The following LMAN2L variants were observed in gnomAD, a reference collection of about 807,000 sequenced individuals.
LMAN2L encodes lectin, mannose binding 2 like.
LMAN2L carries 30 observed loss-of-function variants against 44.3 expected under a neutral mutation model. That is an observed-to-expected ratio of 0.68 (90% CI 0.51 to 0.92). LMAN2L has a LOEUF of 0.92. Ranked by LOEUF, LMAN2L falls within the 40% of genes least tolerant of loss-of-function variation. The pLI, the probability that LMAN2L is intolerant of heterozygous loss-of-function variation, is 0.00. For synonymous variants in LMAN2L, 183 were observed against 171.1 expected (o/e 1.07, Z -0.54); for missense variants, 429 against 446.1 (o/e 0.96, Z 0.35).
At chr2:96,732,134 T>TG (rs2078411743) in intron 4 of LMAN2L, among the ~76,000 whole-genome samples, 1 of 149,436 alleles carries the variant, frequency 6.7e-6, no homozygotes, top group Non-Finnish European at 1.5e-5. Context: ...ATTACAGGCG[T>TG]GAGCCACCAT....
intron 2 of LMAN2L, among the ~76,000 whole-genome samples, chr2:96,737,660 GAGTTA>G (rs1442728819): frequency 2.6e-5 from 4 of 152,044 alleles, no homozygotes; most frequent in African/African-American, 7.2e-5. Flanking sequence ...GGTTAAGCAG[GAGTTA>G]AGTTATTATT....
rs367588914 is a variant in LMAN2L at position 96,740,012 on chromosome 2, G to C, written c.29C>G (p.Ser10Trp). The C allele has an allele frequency of 1.2e-6, 2 of 1,612,440 alleles. No homozygotes were observed. Among genetic ancestry groups the C allele is most frequent in the Non-Finnish European group, 1.7e-6 (2 of 1,179,708 alleles). The change falls in exon 1 of 8, where the codon TCG becomes TGG. Residue 10 changes from serine (S) to tryptophan (W), a missense_variant. By Grantham distance (177) the Ser-to-Trp change is radical (BLOSUM62 -3). Transcript: ENST00000264963. ...CAAACATCGCCGCCACTGCTGCCACGACCCAAGGGGTCCCAGAGTCGCCGC... is the reference window on the plus strand; with the variant it reads ...CAAACATCGCCGCCACTGCTGCCACCACCCAAGGGGTCCCAGAGTCGCCGC... The part of the protein sequence containing the change: MAATLGPLG[S>W]WQQWRRCLSA...
chr2:96,729,991 G>A (rs2153332875), intron 4 of LMAN2L, among the ~76,000 whole-genome samples: 1 of 152,202 alleles, frequency 6.6e-6, no homozygotes, highest in South Asian at 2.1e-4. Context: ...GTTCTCCAGG[G>A]AATTACAATG....
chr2:96,724,799 G>A (rs1287129199), intron 4 of LMAN2L, among the ~76,000 whole-genome samples: 1 of 151,140 alleles, frequency 6.6e-6, no homozygotes, highest in East Asian at 1.9e-4. Context: ...GGCGCACACT[G>A]CGAAGCTCAG....
intron 4 of LMAN2L, among the ~76,000 whole-genome samples, chr2:96,725,267 T>C (rs1243613956): frequency 1.3e-5 from 2 of 151,544 alleles, no homozygotes; most frequent in African/African-American, 2.4e-5. Context: ...ACGCCTGGCC[T>C]AATTTTATTT....
At chr2:96,720,609 G>A (rs1223961971) in intron 4 of LMAN2L, among the ~76,000 whole-genome samples, 3 of 151,708 alleles carry the variant, frequency 2.0e-5, no homozygotes, top group Non-Finnish European at 4.4e-5. Context: ...GAGCTACTGT[G>A]CCTGCCCACT....
intron 4 of LMAN2L, chr2:96,713,103 G>C (rs911840506): frequency 5.2e-6 from 8 of 1,551,138 alleles, no homozygotes; most frequent in East Asian, 4.9e-5. Context: ...CAAGAACTGA[G>C]TACCTGGACT....
intron 4 of LMAN2L, among the ~76,000 whole-genome samples, chr2:96,730,847 G>GT: frequency 6.6e-6 from 1 of 152,080 alleles, no homozygotes; most frequent in Non-Finnish European, 1.5e-5. Flanking sequence ...ACTAATTTTT[G>GT]TATTTTTAGT....
intron 4 of LMAN2L, among the ~76,000 whole-genome samples, chr2:96,728,332 A>T (rs895324777): frequency 1.3e-5 from 2 of 151,920 alleles, no homozygotes; most frequent in Non-Finnish European, 1.5e-5. Flanking sequence ...ACCCGTCTCT[A>T]CTAAAAATAC....
intron 4 of LMAN2L, among the ~76,000 whole-genome samples, chr2:96,721,326 C>CTTTTTTTT (rs56023035): frequency 1.7e-4 from 14 of 84,596 alleles, no homozygotes; most frequent in East Asian, 6.8e-4. Flanking sequence ...TTCTTTCAGT[C>CTTTTTTTT]TTTTTTTTTT....
chr2:96,739,787 C>T (rs2078595315), intron 1 of LMAN2L, 67 bp downstream of exon 1: 1 of 1,539,466 alleles, frequency 6.5e-7, no homozygotes, highest in Non-Finnish European at 8.9e-7. Context: ...CCGCCCCCGC[C>T]TCTACCCCTG....
At chr2:96,710,559 G>C (rs968874743) in intron 6 of LMAN2L, among the ~76,000 whole-genome samples, 1 of 152,172 alleles carries the variant, frequency 6.6e-6, no homozygotes, top group Non-Finnish European at 1.5e-5. Context: ...AGCTACTTGG[G>C]AGGCTGAGGC....
At chr2:96,734,659 A>C (rs916859634) in intron 2 of LMAN2L, 133 bp from the exon 3 acceptor site, 14 of 645,302 alleles carry the variant, frequency 2.2e-5, no homozygotes, top group African/African-American at 2.2e-4. Context: ...CTTAAATCTA[A>C]GACTTGCTAT....
At chr2:96,715,298 C>T (rs1462601379) in intron 4 of LMAN2L, among the ~76,000 whole-genome samples, 2 of 152,208 alleles carry the variant, frequency 1.3e-5, no homozygotes, top group Non-Finnish European at 2.9e-5. Flanking sequence ...ATTGAAGAAA[C>T]GCTGCACCAG....
chr2:96,711,617 G>A (rs767991669), intron 6 of LMAN2L, 39 bp downstream of exon 6: 23 of 1,338,864 alleles, frequency 1.7e-5, no homozygotes, highest in Non-Finnish European at 2.4e-5. Context: ...TTGAGAAGAG[G>A]CCTCAGTCAG....
chr2:96,715,418 A>G (rs2078020545), intron 4 of LMAN2L, among the ~76,000 whole-genome samples: 2 of 152,196 alleles, frequency 1.3e-5, no homozygotes, highest in African/African-American at 4.8e-5. Context: ...ATGCCATCTT[A>G]TTTTCTACGC....
chr2:96,739,004 G>A (rs913813141), intron 1 of LMAN2L, among the ~76,000 whole-genome samples: 16 of 152,182 alleles, frequency 1.1e-4, no homozygotes, highest in African/African-American at 3.1e-4. Context: ...GCCTCCCAAA[G>A]TGCGGAGATT....
chr2:96,725,891 T>A (rs1196177403), intron 4 of LMAN2L, among the ~76,000 whole-genome samples: 1 of 152,004 alleles, frequency 6.6e-6, no homozygotes, highest in African/African-American at 2.4e-5. Context: ...TCCCAGCACT[T>A]TGGGAGGCCG....
intron 4 of LMAN2L, among the ~76,000 whole-genome samples, chr2:96,728,633 T>A (rs888064862): frequency 6.6e-6 from 1 of 151,980 alleles, no homozygotes; most frequent in Non-Finnish European, 1.5e-5. Context: ...ACTTGAAGTC[T>A]GGAGTTTGAG....
Sources: gnomAD v4.1 joint callset for allele counts (sites outside exome capture counted in the v4.1 genomes callset) on GRCh38, gnomAD v4.1.1 for gene constraint, MANE v1.5 for transcripts, NCBI Gene and HGNC (gene_info 2026-07-23, HGNC 2026-07-21) for gene names.